Variants in NAV2 observed in about 807,000 individuals in gnomAD.
The protein encoded by NAV2 is helicase, APC down-regulated 1.
Under a neutral mutation model 223.2 loss-of-function variants are expected in NAV2, and 54 were observed. The observed-to-expected ratio is 0.24, with a 90% CI of 0.19 to 0.30. The LOEUF is 0.30. Among genes scored for constraint, NAV2 ranks in the 10% least tolerant of loss-of-function variants. The probability of loss-of-function intolerance (pLI) is 1.00; values close to 1 mark genes in which losing one functional copy is unlikely to be tolerated. For missense variants in NAV2, 2,806 were observed against 3,147.5 expected, an observed-to-expected ratio of 0.89 and a Z score of 2.60; for synonymous variants, 1,279 against 1,239.3, an observed-to-expected ratio of 1.03 and a Z score of -0.67.
chr11:19,533,660 C>A (rs929673073), intron 1 of NAV2, among the ~76,000 whole-genome samples: 3 of 151,816 alleles, frequency 2.0e-5, no homozygotes, highest in African/African-American at 7.3e-5. Flanking sequence ...CCCACCCCCT[C>A]TGTTTCTGTC....
chr11:19,502,482 T>C (rs1441790474), intron 1 of NAV2, among the ~76,000 whole-genome samples: 4 of 152,176 alleles, frequency 2.6e-5, no homozygotes, highest in Non-Finnish European at 4.4e-5. Flanking sequence ...TAGGTTTTCA[T>C]AGTGCAATTA....
intron 1 of NAV2, among the ~76,000 whole-genome samples, chr11:19,647,712 AG>A (rs889386364): frequency 2.6e-5 from 4 of 152,034 alleles, no homozygotes; most frequent in African/African-American, 9.7e-5. Context: ...ATGGATGTGG[AG>A]TAGAGGGAGA....
At chr11:19,620,318 G>C (rs1293499401) in intron 1 of NAV2, among the ~76,000 whole-genome samples, 4 of 152,132 alleles carry the variant, frequency 2.6e-5, no homozygotes, top group Admixed American at 2.6e-4. Flanking sequence ...TAGCTTGATG[G>C]GGATGGCATT....
chr11:19,430,726 C>T (rs963370430), intron 1 of NAV2, among the ~76,000 whole-genome samples: 14 of 152,312 alleles, frequency 9.2e-5, no homozygotes, highest in African/African-American at 2.9e-4. Context: ...TGCCAGTCTC[C>T]CCTGCCGTGT....
intron 11 of NAV2, among the ~76,000 whole-genome samples, chr11:20,014,042 G>T (rs1300374315): frequency 2.0e-5 from 3 of 152,240 alleles, no homozygotes; most frequent in Non-Finnish European, 4.4e-5. Flanking sequence ...TGCATGACCG[G>T]GGCCAGTGGG....
intron 1 of NAV2, among the ~76,000 whole-genome samples, chr11:19,528,910 CAGAGTG>C (rs1470166479): frequency 9.1e-6 from 1 of 110,256 alleles, no homozygotes; most frequent in East Asian, 2.8e-4. Context: ...AGCCCGGTGA[CAGAGTG>C]AGACTCCATC....
rs2052145075 is a variant in NAV2 at position 19,998,331 on chromosome 11, G to A, written c.2768+14084G>A. ...CTTCTCTCTCATTGGCCATGGTGCA[G>A]GGGTCTAGGCTGCCGTCCTCTCTCA... is the stretch of plus-strand genomic sequence containing the variant. On this transcript the variant is annotated intron_variant, in intron 11 of 37. Coordinates refer to ENST00000349880, the MANE Select transcript of NAV2 (RefSeq NM_145117.5). The surrounding 1 kb of genome is among the most constrained non-coding windows in gnomAD (Gnocchi z 5.0). Among the ~76,000 whole-genome samples, 1 of 151,970 alleles carries A rather than the reference G, an allele frequency of 6.6e-6. No individual in the cohort carries two copies. The highest frequency in any genetic ancestry group is 1.9e-4 in the East Asian group (1 of 5,144).
At chr11:19,932,236 C>CAAGAA (rs2045422242) in intron 6 of NAV2, among the ~76,000 whole-genome samples, 1 of 78,988 alleles carries the variant, frequency 1.3e-5, no homozygotes. Context: ...CACTCTTAAG[C>CAAGAA]AAAAAAAAAA....
intron 36 of NAV2, among the ~76,000 whole-genome samples, chr11:20,112,887 A>T (rs1867125): frequency 6.6e-6 from 1 of 152,084 alleles, no homozygotes; most frequent in East Asian, 1.9e-4. Context: ...GCTCAGCTTC[A>T]CACTGTTGTC....
chr11:19,641,867 A>G (rs1442048454), intron 1 of NAV2, among the ~76,000 whole-genome samples: 1 of 151,932 alleles, frequency 6.6e-6, no homozygotes, highest in African/African-American at 2.4e-5. Context: ...GGCACTTATA[A>G]CAATCTGAAA....
chr11:19,704,962 G>C (rs1236210267), intron 1 of NAV2, among the ~76,000 whole-genome samples: 1 of 142,778 alleles, frequency 7.0e-6, no homozygotes, highest in Admixed American at 7.2e-5. Context: ...TGTGAGCAGA[G>C]ATCATGCCAC....
Position 20,070,592 on chromosome 11 carries a change from G to T in NAV2, c.4983+2194G>T, listed in dbSNP as rs11025368. Reference sequence around the variant, plus strand: ...TTTAAAGTAAATATTTAGTCTTACCGCACACTGCTGGAAGGGTGAACATGT... The same window carrying T: ...TTTAAAGTAAATATTTAGTCTTACCTCACACTGCTGGAAGGGTGAACATGT... On this transcript the variant is annotated intron_variant, in intron 22 of 37. Coordinates refer to ENST00000349880, the MANE Select transcript of NAV2 (RefSeq NM_145117.5). Among the ~76,000 whole-genome samples the T allele has an allele frequency of 2.6e-5, 4 of 152,132 alleles. No individual in the cohort carries two copies. In the East Asian group the frequency reaches 7.7e-4, roughly 29 times the overall value.
intron 1 of NAV2, among the ~76,000 whole-genome samples, chr11:19,508,868 G>T (rs1419060162): frequency 6.6e-6 from 1 of 152,216 alleles, no homozygotes; most frequent in Non-Finnish European, 1.5e-5. Context: ...AAAAGCTTAT[G>T]CTTTGCAAGG....
intron 10 of NAV2, among the ~76,000 whole-genome samples, chr11:19,970,084 T>C (rs1449118296): frequency 6.6e-6 from 1 of 152,216 alleles, no homozygotes; most frequent in Admixed American, 6.5e-5. Flanking sequence ...TGTACCATAC[T>C]CACCCAATGT....
intron 1 of NAV2, among the ~76,000 whole-genome samples, chr11:19,595,417 C>G (rs564939027): frequency 9.8e-4 from 150 of 152,300 alleles, no homozygotes; most frequent in African/African-American, 3.5e-3. Context: ...ATAATATTAA[C>G]TCATTTACTT....
At chr11:19,375,060 C>T (rs1848597208) in intron 1 of NAV2, among the ~76,000 whole-genome samples, 1 of 152,254 alleles carries the variant, frequency 6.6e-6, no homozygotes, top group South Asian at 2.1e-4. Flanking sequence ...TCTCTAGGCA[C>T]ATTGGAAGCT....
chr11:19,745,657 A>T (rs1202268754), intron 1 of NAV2, among the ~76,000 whole-genome samples: 4 of 152,102 alleles, frequency 2.6e-5, no homozygotes, highest in Admixed American at 2.6e-4. Flanking sequence ...GAGATGCAGG[A>T]TATGGTTTCG....
At position 19,682,877 on chromosome 11, in the gene NAV2, G is replaced by A. The variant is rs79859343; in HGVS notation, c.76-149607G>A. Among the ~76,000 whole-genome samples, 223 of 152,332 alleles carry A rather than the reference G, an allele frequency of 1.5e-3. 1 individual carries two copies. Among genetic ancestry groups the A allele is most frequent in the African/African-American group, 5.2e-3 (216 of 41,574 alleles). On this transcript the variant is annotated intron_variant, in intron 1 of 37. Transcript: ENST00000360655. ...CACTCATTCCAATATGAGATTTGGA[G>A]AGGACAAACATCCAAAACATATCAT... is the stretch of plus-strand genomic sequence containing the variant.
chr11:19,714,199 A>G, intron 1 of NAV2: 1 of 694,332 alleles, frequency 1.4e-6, no homozygotes, highest in Non-Finnish European at 2.6e-6. Context: ...GATGGCGGGC[A>G]CGTCTGCAGC....
Sources: allele counts gnomAD v4.1 joint callset (sites outside exome capture counted in the v4.1 genomes callset), GRCh38; gene constraint gnomAD v4.1.1; non-coding constraint Gnocchi (gnomAD v3.1); transcripts MANE v1.5; gene names NCBI Gene and HGNC (gene_info 2026-07-23, HGNC 2026-07-21).